The following RALGAPA1 variants were observed in gnomAD, a reference collection of about 807,000 sequenced individuals.
RALGAPA1 encodes ral GTPase-activating protein subunit alpha-1.
Under a neutral mutation model 269.6 loss-of-function variants are expected in RALGAPA1, and 52 were observed. The observed-to-expected ratio is 0.19, with a 90% confidence interval of 0.15 to 0.24. The LOEUF (loss-of-function observed/expected upper bound fraction) is 0.24, where lower values mean the gene tolerates loss of function less well. Among genes scored for constraint, RALGAPA1 ranks in the 10% least tolerant of loss-of-function variants. RALGAPA1 has a pLI of 1.00. For missense variants in RALGAPA1, 1,917 were observed against 3,013.9 expected (o/e 0.64, Z 8.52); for synonymous variants, 817 against 1,008.3 (o/e 0.81, Z 3.60).
chr14:35,548,673 A>C (rs1594516452), intron 40 of RALGAPA1, 135 bp from the exon 41 acceptor site: 1 of 560,314 alleles, frequency 1.8e-6, no homozygotes. Context: ...ACACTCTTTA[A>C]TTATTGTAAC....
At chr14:35,625,218 A>C (rs1288584896) in intron 35 of RALGAPA1, 143 bp downstream of exon 35, 3 of 495,732 alleles carry the variant, frequency 6.1e-6, no homozygotes, top group Admixed American at 3.3e-5. Context: ...GCAGTCCTAA[A>C]TTTTCCTTAA....
At chr14:35,643,410 G>T (rs1316535475) in intron 31 of RALGAPA1, among the ~76,000 whole-genome samples, 1 of 152,072 alleles carries the variant, frequency 6.6e-6, no homozygotes, top group Non-Finnish European at 1.5e-5. Flanking sequence ...GTGGAGAAAA[G>T]GGAACCCTCA....
intron 37 of RALGAPA1, among the ~76,000 whole-genome samples, chr14:35,580,595 C>A (rs946255593): frequency 1.3e-5 from 2 of 151,978 alleles, no homozygotes; most frequent in African/African-American, 2.4e-5. Context: ...CTGTCTTGAG[C>A]CTTGAAAAAG....
chr14:35,801,941 G>T (rs1418421866), intron 1 of RALGAPA1, among the ~76,000 whole-genome samples: 1 of 152,208 alleles, frequency 6.6e-6, no homozygotes, highest in East Asian at 1.9e-4. Flanking sequence ...AGGGCATCCA[G>T]ATTAGAAAGG....
Position 35,689,629 on chromosome 14 carries a change from T to C in RALGAPA1, c.2782A>G (p.Ile928Val). 1 of 1,265,606 alleles carries C rather than the reference T, an allele frequency of 7.9e-7. No individual in the cohort carries two copies. The highest frequency in any genetic ancestry group is 9.9e-7 in the Non-Finnish European group (1 of 1,008,756). 78.4% of individuals were successfully genotyped at this position (1,265,606 alleles called of 1,614,324 possible). Residue 928 changes from isoleucine (I) to valine (V), a missense_variant, in exon 18 of 42, where the codon ATC (isoleucine) becomes GTC (valine). This residue lies in a region of RALGAPA1 where 615 missense variants were observed against 790.0 expected (regional missense o/e 0.78). Coordinates refer to ENST00000680220, the MANE Select transcript of RALGAPA1 (RefSeq NM_001346249.2). ...TCTCCTTCAAGGTCAATGTACTGGA[T>C]TTGTTCAAAAGCTGAATCTGCAAGT... ...VELADSAFEQIQYIDLEGDDD... is the reference protein window; with the variant it reads ...VELADSAFEQVQYIDLEGDDD...
chr14:35,793,687 C>T (rs943324879), intron 1 of RALGAPA1, among the ~76,000 whole-genome samples: 1 of 152,150 alleles, frequency 6.6e-6, no homozygotes, highest in Admixed American at 6.6e-5. Context: ...TTCTAAGATA[C>T]TGAAAGCTTG....
chr14:35,762,633 G>T, intron 5 of RALGAPA1, 77 bp downstream of exon 5: 2 of 832,922 alleles, frequency 2.4e-6, no homozygotes, highest in Non-Finnish European at 4.2e-6. Flanking sequence ...AAAAGCTTAG[G>T]TAGGAAAAGT....
rs566818527 is a variant in RALGAPA1 at position 35,655,912 on chromosome 14, A to G, written c.5391T>C (p.Cys1797=). 6.2e-7 allele frequency: 1 copy of G among 1,613,248 alleles called. No individual in the cohort carries two copies. Among genetic ancestry groups the G allele is most frequent in the African/African-American group, 1.3e-5 (1 of 75,028 alleles). Residue 1797 remains cysteine, a synonymous_variant, in exon 29 of 42, where the codon TGT becomes TGC. Coordinates refer to ENST00000680220, the MANE Select transcript of RALGAPA1 (RefSeq NM_001346249.2). ...AAATACCTAAACTACAAAGTGCTAC[A>G]CATCTGCAAAAAAGGCAAACAACAA... The part of the protein sequence containing the change: ...ARDEPSGPAR[C]VALCSLGIWI...
At chr14:35,647,576 C>A (rs193202931) in intron 31 of RALGAPA1, among the ~76,000 whole-genome samples, 26 of 152,216 alleles carry the variant, frequency 1.7e-4, no homozygotes, top group African/African-American at 6.0e-4. Flanking sequence ...TTAGAAGATA[C>A]TGGAATGCAA....
In RALGAPA1 at chr14:35,755,372, GCAAA is replaced by G. The variant is rs1388627237; in HGVS notation, c.663+1417_663+1420del. 2.6e-5 allele frequency among the ~76,000 whole-genome samples: 4 copies of G among 151,774 alleles called. No homozygotes were observed. The East Asian group carries it at 7.7e-4, about 29-fold the overall frequency. On this transcript the variant is annotated intron_variant, in intron 7 of 41. Transcript: ENST00000680220. ...TGTCTCAAACAAACAAAAAAACAAA[GCAAA>G]CAAAGATCCAAGAAAATGCCTAGAG...
chr14:35,765,861 G>A (rs1259192734), intron 4 of RALGAPA1: 4 of 746,170 alleles, frequency 5.4e-6, no homozygotes, highest in Non-Finnish European at 6.9e-6. Context: ...TTCCGAAATT[G>A]TTGGATTAGG....
At chr14:35,764,679 G>A (rs148151226) in intron 4 of RALGAPA1, among the ~76,000 whole-genome samples, 259 of 151,896 alleles carry the variant, frequency 1.7e-3, no homozygotes, top group African/African-American at 5.4e-3. Context: ...CAGATAGCTG[G>A]GACTAAAGGC....
At chr14:35,749,356 G>A (rs1192357980) in intron 9 of RALGAPA1, among the ~76,000 whole-genome samples, 1 of 152,080 alleles carries the variant, frequency 6.6e-6, no homozygotes, top group African/African-American at 2.4e-5. Context: ...GAAAACTTGA[G>A]AGAAAATTCT....
chr14:35,621,321 T>C (rs923675304), intron 35 of RALGAPA1, among the ~76,000 whole-genome samples: 1 of 152,198 alleles, frequency 6.6e-6, no homozygotes, highest in Non-Finnish European at 1.5e-5. Flanking sequence ...TGTAGAAAGC[T>C]GAAACTGGAT....
intron 26 of RALGAPA1, among the ~76,000 whole-genome samples, chr14:35,667,674 C>G (rs892689278): frequency 6.6e-6 from 1 of 152,138 alleles, no homozygotes; most frequent in Non-Finnish European, 1.5e-5. Context: ...ATCTAAAGTA[C>G]CTTTCTAAGG....
intron 8 of RALGAPA1, 95 bp from the exon 9 acceptor site, chr14:35,750,785 T>G (rs1324345473): frequency 8.4e-6 from 9 of 1,066,210 alleles, no homozygotes; most frequent in Non-Finnish European, 1.1e-5. Context: ...AATATTGTTA[T>G]GCTACTCTGG....
intron 36 of RALGAPA1, among the ~76,000 whole-genome samples, chr14:35,602,649 G>T (rs1451450931): frequency 2.6e-5 from 4 of 151,976 alleles, no homozygotes. Flanking sequence ...TCATTTTTTA[G>T]TTGGGTATCT....
chr14:35,611,351 A>T (rs2059920861), intron 35 of RALGAPA1, among the ~76,000 whole-genome samples: 1 of 151,502 alleles, frequency 6.6e-6, no homozygotes, highest in Non-Finnish European at 1.5e-5. Context: ...AAAATACAAA[A>T]ATCAGCTGGG....
At chr14:35,697,484 T>C (rs1403824182) in intron 17 of RALGAPA1, among the ~76,000 whole-genome samples, 2 of 152,040 alleles carry the variant, frequency 1.3e-5, no homozygotes, top group African/African-American at 4.8e-5. Context: ...CAGCTGGGAC[T>C]ACAGGCGCCT....
Sources: allele counts gnomAD v4.1 joint callset (sites outside exome capture counted in the v4.1 genomes callset), GRCh38; gene constraint gnomAD v4.1.1; regional missense constraint gnomAD v4.1.1; transcripts MANE v1.5; gene names NCBI Gene and HGNC (gene_info 2026-07-23, HGNC 2026-07-21).